PRMT8: variants seen among roughly 807,000 people sequenced by gnomAD.
The protein encoded by PRMT8 is protein arginine N-methyltransferase 8.
In PRMT8, 7 loss-of-function variants were observed where a neutral mutation model predicts 47.1. That is an observed-to-expected ratio of 0.15 (90% CI 0.08 to 0.28). PRMT8 has a LOEUF of 0.28. PRMT8 is among the 10% of genes least tolerant of loss of function. The pLI is 1.00. For synonymous variants in PRMT8, 188 were observed against 186.5 expected (o/e 1.01, Z -0.07); for missense variants, 237 against 505.4 (o/e 0.47, Z 5.09).
rs1866553552 is a variant in PRMT8 at position 3,557,794 on chromosome 12, G to T, written c.481+4080G>T. 6.6e-6 allele frequency among the ~76,000 whole-genome samples: 1 copy of T among 152,090 alleles called. No homozygotes were observed. Among genetic ancestry groups the T allele is most frequent in the African/African-American group, 2.4e-5 (1 of 41,420 alleles). Reference sequence around the variant, plus strand: ...TGGATGCAGAAGCACCAGGAGTGCTGCTGAGCCTGAAAGCCTGTTGGGAGG... The same window carrying T: ...TGGATGCAGAAGCACCAGGAGTGCTTCTGAGCCTGAAAGCCTGTTGGGAGG... On this transcript the variant is annotated intron_variant, in intron 4 of 9. Transcript: ENST00000382622. The surrounding 1 kb of genome is among the most constrained non-coding windows in gnomAD (Gnocchi z 4.7).
Position 3,580,955 on chromosome 12 carries a change from A to G in PRMT8, c.829-2103A>G, listed in dbSNP as rs1591614480. Reference sequence around the variant, plus strand: ...TAATGAGCATTATGAAGGCTGACATATACTCAGTCTAAAACGTTTCCTAGA... The same window carrying G: ...TAATGAGCATTATGAAGGCTGACATGTACTCAGTCTAAAACGTTTCCTAGA... On this transcript the variant is annotated intron_variant, in intron 7 of 9. Transcript: ENST00000382622. The surrounding 1 kb of genome is among the most constrained non-coding windows in gnomAD (Gnocchi z 4.6). Among the ~76,000 whole-genome samples the G allele has an allele frequency of 6.6e-6, 1 of 152,340 alleles. No individual in the cohort carries two copies. The highest frequency in any genetic ancestry group is 1.9e-4 in the East Asian group (1 of 5,188).
chr12:3,548,113 G>T (rs909047015), intron 2 of PRMT8, among the ~76,000 whole-genome samples: 2 of 152,140 alleles, frequency 1.3e-5, no homozygotes, highest in African/African-American at 4.8e-5. Flanking sequence ...AGGTGACAAG[G>T]TGATTAATGG....
At chr12:3,451,033 ACCCCCCCCCCCCCCCCC>A (rs71061115) in intron 1 of PRMT8, among the ~76,000 whole-genome samples, 1 of 26,088 alleles carries the variant, frequency 3.8e-5, no homozygotes, top group African/African-American at 1.5e-4. Context: ...TCTTGCTGAC[ACCCCCCCCCCCCCCCCC>A]CCCCCGCCGA....
At chr12:3,397,983 G>C (rs536681169) in intron 1 of PRMT8, among the ~76,000 whole-genome samples, 1 of 152,262 alleles carries the variant, frequency 6.6e-6, no homozygotes, top group East Asian at 1.9e-4. Context: ...TCCAGGTGCC[G>C]TCCATCACCC....
At chr12:3,444,890 G>A (rs961356755) in intron 1 of PRMT8, among the ~76,000 whole-genome samples, 7 of 152,338 alleles carry the variant, frequency 4.6e-5, no homozygotes, top group African/African-American at 1.2e-4. Context: ...GGGCTATGGC[G>A]TTGCAAGGAA....
intron 1 of PRMT8, among the ~76,000 whole-genome samples, chr12:3,387,756 G>T (rs569358389): frequency 6.6e-6 from 1 of 152,108 alleles, no homozygotes; most frequent in East Asian, 1.9e-4. Flanking sequence ...TTCACTAATT[G>T]ATTTATTTCT....
chr12:3,550,260 T>A lies in PRMT8; in HGVS notation c.417+169T>A. The A allele has an allele frequency of 1.3e-6, 1 of 755,980 alleles. No homozygotes were observed. 46.8% of individuals were successfully genotyped at this position (755,980 alleles called of 1,614,324 possible). A position where few individuals can be genotyped will look rare whatever the true frequency, so the allele number is the denominator to read the frequency against. On this transcript the variant is annotated intron_variant, in intron 3 of 9. Coordinates refer to ENST00000382622, the MANE Select transcript of PRMT8 (RefSeq NM_019854.5). This position sits in a 1 kb window ranked among gnomAD's most constrained non-coding sequence, Gnocchi z 5.1. ...GTGACTCTCAGGAAGGGGAGCAGGC[T>A]GCCTGTCCCCTGTGCATGGCTCCTG...
intron 1 of PRMT8, among the ~76,000 whole-genome samples, chr12:3,386,876 A>G (rs1307666420): frequency 6.6e-6 from 1 of 151,726 alleles, no homozygotes; most frequent in African/African-American, 2.4e-5. Context: ...CGCCTGGCTA[A>G]TTTTTGTATT....
chr12:3,507,386 G>T (rs967268702), intron 1 of PRMT8, among the ~76,000 whole-genome samples: 2 of 152,162 alleles, frequency 1.3e-5, no homozygotes, highest in African/African-American at 4.8e-5. Flanking sequence ...CTCCCAAAAC[G>T]CTGGGATTAC....
intron 1 of PRMT8, among the ~76,000 whole-genome samples, chr12:3,426,776 C>A (rs1350839793): frequency 6.6e-6 from 1 of 151,892 alleles, no homozygotes; most frequent in African/African-American, 2.4e-5. Context: ...TGAGACTATG[C>A]CCTACAACTC....
chr12:3,398,312 G>A (rs964857654), intron 1 of PRMT8, among the ~76,000 whole-genome samples: 11 of 152,200 alleles, frequency 7.2e-5, no homozygotes, highest in African/African-American at 2.4e-4. Context: ...TCAAAGGTGG[G>A]ATTCAGCCCA....
chr12:3,425,632 T>C (rs1465842351), intron 1 of PRMT8, among the ~76,000 whole-genome samples: 1 of 152,274 alleles, frequency 6.6e-6, no homozygotes. Flanking sequence ...AAATATTGAC[T>C]TAAATTCTGC....
chr12:3,460,408 ACCAGG>A (rs1023132247), intron 1 of PRMT8, among the ~76,000 whole-genome samples: 8 of 152,176 alleles, frequency 5.3e-5, no homozygotes, highest in African/African-American at 1.9e-4. Context: ...TTTTCAGAAG[ACCAGG>A]CAGCTGGGCA....
chr12:3,421,268 T>C (rs1864537891), intron 1 of PRMT8, among the ~76,000 whole-genome samples: 2 of 152,194 alleles, frequency 1.3e-5, no homozygotes, highest in Admixed American at 6.5e-5. Flanking sequence ...CCAAGTCATT[T>C]TTATCTGGTG....
chr12:3,456,842 C>G lies in PRMT8; in HGVS notation c.48+75400C>G, dbSNP rs1864978580. Among the ~76,000 whole-genome samples, 1 of 152,144 alleles carries G rather than the reference C, an allele frequency of 6.6e-6. No individual in the cohort carries two copies. The highest frequency in any genetic ancestry group is 2.1e-4 in the South Asian group (1 of 4,818). The stretch of plus-strand genomic sequence containing the variant: ...AACCCCTCTAGCCAGGAAAGCAGAT[C>G]AACAACAGAACAGCACCTGGGGCTC... On this transcript the variant is annotated intron_variant, in intron 1 of 9. Transcript: ENST00000452611. The surrounding 1 kb of genome is among the most constrained non-coding windows in gnomAD (Gnocchi z 4.2).
At position 3,471,009 on chromosome 12, in the gene PRMT8, AAG is replaced by A. The variant is rs1194640947; in HGVS notation, c.49-69593_49-69592del. Among the ~76,000 whole-genome samples, 6 of 152,192 alleles carry A rather than the reference AAG, an allele frequency of 3.9e-5. No individual in the cohort carries two copies. In the East Asian group the frequency reaches 1.2e-3, roughly 29 times the overall value. On this transcript the variant is annotated intron_variant, in intron 1 of 9. Transcript: ENST00000452611. The stretch of plus-strand genomic sequence containing the variant: ...GGGCGGAAGCTGGGGGTTGAAAATG[AAG>A]AGATGGTGACACGTGTCTAAAGCTC...
intron 1 of PRMT8, among the ~76,000 whole-genome samples, chr12:3,475,943 C>T (rs1020416916): frequency 6.6e-6 from 1 of 152,184 alleles, no homozygotes; most frequent in Admixed American, 6.5e-5. Flanking sequence ...ACACCTTTTC[C>T]ATGTCAGAGC....
intron 1 of PRMT8, among the ~76,000 whole-genome samples, chr12:3,402,629 AAAAC>A (rs1432711176): frequency 3.3e-5 from 5 of 152,358 alleles, no homozygotes; most frequent in East Asian, 1.9e-4. Context: ...TTACAAGAAT[AAAAC>A]AAACAACCCC....
chr12:3,383,494 G>A (rs1219728324), intron 1 of PRMT8, among the ~76,000 whole-genome samples: 1 of 152,192 alleles, frequency 6.6e-6, no homozygotes, highest in Non-Finnish European at 1.5e-5. Context: ...ATTAAGAGGT[G>A]GGGCCTCTGG....
Sources: allele counts gnomAD v4.1 joint callset (sites outside exome capture counted in the v4.1 genomes callset), GRCh38; gene constraint gnomAD v4.1.1; non-coding constraint Gnocchi (gnomAD v3.1); transcripts MANE v1.5; gene names NCBI Gene and HGNC (gene_info 2026-07-23, HGNC 2026-07-21).